The following MVB12A variants were observed in gnomAD, a reference collection of about 807,000 sequenced individuals.
MVB12A encodes multivesicular body subunit 12A.
MVB12A carries 30 observed loss-of-function variants against 34.3 expected under a neutral mutation model. The ratio of observed to expected loss-of-function variants is 0.88; its 90% CI spans 0.65 to 1.19. MVB12A has a LOEUF of 1.19. Ranked by LOEUF, MVB12A falls within the 50% of genes most tolerant of loss-of-function variation. The probability of loss-of-function intolerance (pLI) is 0.00; values close to 1 mark genes in which losing one functional copy is unlikely to be tolerated. For synonymous variants in MVB12A, 158 were observed against 158.9 expected, an observed-to-expected ratio of 0.99 and a Z score of 0.04; for missense variants, 355 against 369.2, an observed-to-expected ratio of 0.96 and a Z score of 0.31.
chr19:17,425,209 C>A lies in MVB12A; in HGVS notation c.*216C>A, dbSNP rs2145765871. 1 of 528,478 alleles carries A rather than the reference C, an allele frequency of 1.9e-6. No homozygotes were observed. Among genetic ancestry groups the A allele is most frequent in the Admixed American group, 3.7e-5 (1 of 27,026 alleles). The allele number at this position is 528,478 out of a possible 1,614,324, so 32.7% of individuals were successfully genotyped here. A position where few individuals can be genotyped will look rare whatever the true frequency, so the allele number is the denominator to read the frequency against. The stretch of plus-strand genomic sequence containing the variant: ...TGGTGATGGGGTCTCCGCCCCCACG[C>A]CCTGCCGGGCAGGGCTGGAGCTGGA... On this transcript the variant is annotated 3_prime_UTR_variant, in exon 9 of 9. Coordinates refer to ENST00000317040, the MANE Select transcript of MVB12A (RefSeq NM_138401.4).
At chr19:17,414,465 A>G (rs2074787259) in intron 2 of MVB12A, 1 of 152,270 alleles carries the variant, frequency 6.6e-6, no homozygotes, top group Non-Finnish European at 1.5e-5. Flanking sequence ...TAAGACACAC[A>G]GAGTATCCTT....
At chr19:17,423,876 C>G in intron 6 of MVB12A, 77 bp downstream of exon 6, 2 of 1,560,866 alleles carry the variant, frequency 1.3e-6, no homozygotes, top group Non-Finnish European at 1.8e-6. Context: ...CAGGAAGGAT[C>G]TTCCTACTTC....
At position 17,420,181 on chromosome 19, in the gene MVB12A, G is replaced by A. The variant is rs2074828569; in HGVS notation, c.46G>A (p.Ala16Thr). The A allele has an allele frequency of 1.4e-6, 2 of 1,433,852 alleles. No homozygotes were observed. Among genetic ancestry groups the A allele is most frequent in the South Asian group, 1.5e-5 (1 of 65,380 alleles). 88.8% of individuals were successfully genotyped at this position (1,433,852 alleles called of 1,614,324 possible). A position where few individuals can be genotyped will look rare whatever the true frequency, so the allele number is the denominator to read the frequency against. Residue 16 changes from alanine to threonine, a missense_variant, in exon 1 of 9, where the codon GCC (alanine) becomes ACC (threonine). Transcript: ENST00000317040. ...GTDSAPLAGL[A>T]WSSASAPPPR... ...AGACTCGGCGCCGCTGGCTGGCCTG[G>A]CCTGGTCGTCGGCCTCTGCACCCCC...
In MVB12A at chr19:17,423,499, G is replaced by A. The variant is rs762212657; in HGVS notation, c.415G>A (p.Asp139Asn). 2.5e-6 allele frequency: 4 copies of A among 1,612,282 alleles called. No homozygotes were observed. The African/African-American group carries it at 4.0e-5, about 16-fold the overall frequency. The change falls in exon 5 of 9, where the codon GAC becomes AAC. Residue 139 changes from aspartate to asparagine, a missense_variant and splice_region_variant. By Grantham distance (23) the Asp-to-Asn change is conservative. Transcript: ENST00000317040. ...CTCCCACCTTCCCTCCTGGTCCAGG[G>A]ACATGGGCGGCTTTGCCATCTGGTG... ...KTVPGYLRIG[D>N]MGGFAIWCKK...
upstream of MVB12A, chr19:17,418,849 T>C (rs1289515463): frequency 1.3e-4 from 10 of 78,630 alleles, no homozygotes; most frequent in Non-Finnish European, 2.6e-4. Context: ...ACAGCCCTGA[T>C]AAAATAACTG....
At chr19:17,407,454 T>C (rs2145748544) in intron 2 of MVB12A, among the ~76,000 whole-genome samples, 1 of 152,240 alleles carries the variant, frequency 6.6e-6, no homozygotes, top group Admixed American at 6.5e-5. Flanking sequence ...GTAAAGAGTG[T>C]GAGTCATCTC....
chr19:17,424,571 G>A, intron 7 of MVB12A, 50 bp from the exon 8 acceptor site: 1 of 1,591,284 alleles, frequency 6.3e-7, no homozygotes, highest in Non-Finnish European at 8.6e-7. Context: ...GAAGGAAAGG[G>A]GGTTTCAGGT....
intron 3 of MVB12A, 62 bp downstream of exon 3, chr19:17,420,696 GGGA>G: frequency 8.1e-7 from 1 of 1,228,274 alleles, no homozygotes; most frequent in Non-Finnish European, 1.2e-6. Flanking sequence ...CGGGGGAGGA[GGGA>G]CGACGGGCGC....
intron 2 of MVB12A, among the ~76,000 whole-genome samples, chr19:17,407,361 TA>T (rs1381814849): frequency 6.6e-6 from 1 of 152,144 alleles, no homozygotes; most frequent in Non-Finnish European, 1.5e-5. Flanking sequence ...GGGGGACCAC[TA>T]CCAGCAATGC....
upstream of MVB12A, chr19:17,420,015 G>GGGC (rs1555735862): frequency 8.9e-6 from 2 of 225,204 alleles, no homozygotes; most frequent in Admixed American, 8.7e-5. Flanking sequence ...GGCAATCTCC[G>GGGC]CCCCCCCCCC....
At chr19:17,423,381 T>C (rs1278870179) in intron 4 of MVB12A, 117 bp from the exon 5 acceptor site, 2 of 1,108,432 alleles carry the variant, frequency 1.8e-6, no homozygotes, top group Non-Finnish European at 2.5e-6. Context: ...AAAAAAAAAA[T>C]TCCCCCAAAA....
chr19:17,417,900 CCTT>C, upstream of MVB12A: 5 of 236,660 alleles, frequency 2.1e-5, no homozygotes, highest in South Asian at 6.9e-5. Context: ...TCTTCTTCTT[CCTT>C]TTTTTTTTTT....
chr19:17,407,712 AGACG>A (rs2074738102), intron 2 of MVB12A, among the ~76,000 whole-genome samples: 1 of 152,208 alleles, frequency 6.6e-6, no homozygotes, highest in Non-Finnish European at 1.5e-5. Flanking sequence ...CATCACAGGG[AGACG>A]GTTAGGCTGC....
At chr19:17,418,704 T>C (rs2074817175), upstream of MVB12A, 1 of 151,870 alleles carries the variant, frequency 6.6e-6, no homozygotes, top group Non-Finnish European at 1.5e-5. Flanking sequence ...AGCATATTAT[T>C]ATAGTAAATA....
At chr19:17,414,697 C>G (rs989567909) in intron 2 of MVB12A, 1 of 151,016 alleles carries the variant, frequency 6.6e-6, no homozygotes, top group African/African-American at 2.4e-5. Context: ...AGTAAAACCC[C>G]GTCTCTACTA....
chr19:17,407,130 C>G (rs2074733729), intron 2 of MVB12A, among the ~76,000 whole-genome samples: 1 of 152,082 alleles, frequency 6.6e-6, no homozygotes, highest in African/African-American at 2.4e-5. Flanking sequence ...ATTGATTTCC[C>G]CAGCTGTAAA....
rs376796625 is a variant in MVB12A, at chr19:17,423,776, C to T, written c.617C>T (p.Ala206Val). Residue 206 changes from alanine to valine, a missense_variant, in exon 6 of 9, where the codon GCC (alanine) becomes GTC (valine). Ala to Val is a moderately conservative substitution (Grantham distance 64). Coordinates refer to ENST00000317040, the MANE Select transcript of MVB12A (RefSeq NM_138401.4). The part of the protein sequence containing the change: ...TLRRNDSIYE[A>V]SSLYGISAMD... ...CGGAGGAATGACTCCATCTACGAGGCCTCCAGCCTCTATGGCATCTCAGGT... is the reference window on the plus strand; with the variant it reads ...CGGAGGAATGACTCCATCTACGAGGTCTCCAGCCTCTATGGCATCTCAGGT... 5.0e-6 allele frequency: 8 copies of T among 1,613,830 alleles called. No individual in the cohort carries two copies. The highest frequency in any genetic ancestry group is 6.8e-6 in the Non-Finnish European group (8 of 1,179,910).
upstream of MVB12A, chr19:17,420,016 C>T (rs3079180): frequency 1.0e-5 from 3 of 291,424 alleles, no homozygotes; most frequent in Non-Finnish European, 1.7e-5. Flanking sequence ...GCAATCTCCG[C>T]CCCCCCCCCC....
rs2074853589 is a variant in MVB12A at position 17,423,795 on chromosome 19, C to T, written c.636C>T (p.Ile212=). Residue 212 remains isoleucine (I), a synonymous_variant, in exon 6 of 9, where the codon ATC becomes ATT. Transcript: ENST00000317040. The part of the protein sequence containing the change: ...SIYEASSLYG[I]SAMDGVPFTL... ...ACGAGGCCTCCAGCCTCTATGGCAT[C>T]TCAGGTGAGCACAGAGTGGGGAAAC... The T allele has an allele frequency of 6.2e-7, 1 of 1,613,690 alleles. No homozygotes were observed. Among genetic ancestry groups the T allele is most frequent in the South Asian group, 1.1e-5 (1 of 91,086 alleles).
Sources: gnomAD v4.1 joint callset for allele counts (sites outside exome capture counted in the v4.1 genomes callset) on GRCh38, gnomAD v4.1.1 for gene constraint, MANE v1.5 for transcripts, NCBI Gene and HGNC (gene_info 2026-07-23, HGNC 2026-07-21) for gene names.